The following EYS variants were observed in gnomAD, a reference collection of about 807,000 sequenced individuals.
EYS encodes the protein EGF-like photoreceptor maintenance factor.
In EYS, 250 loss-of-function variants were observed where a neutral mutation model predicts 282.1. The ratio of observed to expected loss-of-function variants is 0.89; its 90% confidence interval spans 0.80 to 0.98. The LOEUF is 0.98. Ranked by LOEUF, EYS falls within the 50% of genes least tolerant of loss-of-function variation. The probability of loss-of-function intolerance (pLI) is 0.00; values close to 1 mark genes in which losing one functional copy is unlikely to be tolerated. For missense variants in EYS, 4,016 were observed against 3,709.0 expected (o/e 1.08, Z -2.15); for synonymous variants, 1,355 against 1,282.9 (o/e 1.06, Z -1.20).
chr6:65,429,919 G>A (rs557676590), intron 5 of EYS, among the ~76,000 whole-genome samples: 14 of 152,154 alleles, frequency 9.2e-5, no homozygotes, highest in African/African-American at 2.6e-4. Flanking sequence ...AGTTTACTAC[G>A]CCAAGCAGTG....
chr6:65,376,970 CAG>C (rs1765391992), intron 8 of EYS, among the ~76,000 whole-genome samples: 1 of 152,094 alleles, frequency 6.6e-6, no homozygotes, highest in African/African-American at 2.4e-5. Flanking sequence ...ATCAATGAGA[CAG>C]AAAATTAACA....
chr6:64,351,182 T>C (rs920276813), intron 29 of EYS, among the ~76,000 whole-genome samples: 6 of 151,538 alleles, frequency 4.0e-5, no homozygotes, highest in Non-Finnish European at 7.4e-5. Context: ...TGAGTGAAGA[T>C]TGAGATACTG....
intron 5 of EYS, among the ~76,000 whole-genome samples, chr6:65,447,337 TATATATATAA>T (rs752997720): frequency 0.17 from 24,798 of 143,312 alleles, 2,755 homozygotes; most frequent in Middle Eastern, 0.28. Context: ...TGTGTGTATA[TATATATATAA>T]ATATATGTAT....
intron 26 of EYS, among the ~76,000 whole-genome samples, chr6:64,579,077 A>T (rs12661652): frequency 0.099 from 14,991 of 152,170 alleles, 921 homozygotes; most frequent in East Asian, 0.17. Flanking sequence ...TCTTCTCCTC[A>T]TTCGCAGAAT....
chr6:64,435,912 G>T (rs1359912156), intron 28 of EYS, among the ~76,000 whole-genome samples: 1 of 151,862 alleles, frequency 6.6e-6, no homozygotes, highest in African/African-American at 2.4e-5. Flanking sequence ...TGTTACAACA[G>T]CCATATGAGA....
intron 26 of EYS, among the ~76,000 whole-genome samples, chr6:64,458,363 G>A (rs370152072): frequency 6.6e-6 from 1 of 151,704 alleles, no homozygotes; most frequent in South Asian, 2.1e-4. Context: ...AAGTCTGGTG[G>A]TGATAAACTC....
At chr6:65,414,158 G>C (rs1444621553) in intron 5 of EYS, among the ~76,000 whole-genome samples, 1 of 152,120 alleles carries the variant, frequency 6.6e-6, no homozygotes, top group Non-Finnish European at 1.5e-5. Context: ...CAAAGACTTT[G>C]AGTTGAGAGC....
At chr6:64,354,181 G>T (rs1381611583) in intron 29 of EYS, among the ~76,000 whole-genome samples, 1 of 151,568 alleles carries the variant, frequency 6.6e-6, no homozygotes, top group Non-Finnish European at 1.5e-5. Context: ...TGATTTATTT[G>T]AGCAAACTTT....
chr6:63,935,138 G>C (rs947611841), intron 35 of EYS, among the ~76,000 whole-genome samples: 29 of 152,168 alleles, frequency 1.9e-4, no homozygotes, highest in Non-Finnish European at 8.8e-5. Context: ...CATGATTTTT[G>C]AGTAGTTTTT....
chr6:64,268,039 C>CAT (rs1767817235), intron 30 of EYS, among the ~76,000 whole-genome samples: 1 of 151,982 alleles, frequency 6.6e-6, no homozygotes, highest in Non-Finnish European at 1.5e-5. Context: ...GATACACTTG[C>CAT]ATATATATTC....
chr6:63,760,692 CTA>C (rs1769615471), intron 41 of EYS, among the ~76,000 whole-genome samples: 1 of 142,926 alleles, frequency 7.0e-6, no homozygotes, highest in South Asian at 2.3e-4. Flanking sequence ...ATCTATCTAT[CTA>C]TCTATCTAAT....
chr6:65,458,996 A>G (rs1764724966), intron 5 of EYS, among the ~76,000 whole-genome samples: 1 of 152,136 alleles, frequency 6.6e-6, no homozygotes, highest in South Asian at 2.1e-4. Context: ...AATTTAATTA[A>G]AAAGTATAGA....
rs192797181 is a variant in EYS at position 63,781,619 on chromosome 6, A to C, written c.7724-3439T>G. 1.1e-4 allele frequency among the ~76,000 whole-genome samples: 16 copies of C among 152,288 alleles called. No homozygotes were observed. The East Asian group carries it at 2.5e-3, about 24-fold the overall frequency. ...AATTTTGTATCCTGAGACTTTGCTG[A>C]AGTTGCTTATCAGCTTAAGGAGATT... On this transcript the variant is annotated intron_variant, in intron 39 of 42. Coordinates refer to ENST00000503581, the MANE Select transcript of EYS (RefSeq NM_001142800.2).
intron 13 of EYS, among the ~76,000 whole-genome samples, chr6:65,035,351 G>A (rs1772734496): frequency 6.6e-6 from 1 of 151,990 alleles, no homozygotes; most frequent in African/African-American, 2.4e-5. Context: ...CCTAGTCAGA[G>A]CAATCAGTCA....
intron 12 of EYS, among the ~76,000 whole-genome samples, chr6:65,249,436 C>T (rs1167032592): frequency 1.3e-5 from 2 of 151,906 alleles, no homozygotes; most frequent in Admixed American, 6.6e-5. Flanking sequence ...AACTCCCAGT[C>T]CAGTATTTCA....
At chr6:65,306,440 AG>A (rs1769005950) in intron 11 of EYS, among the ~76,000 whole-genome samples, 1 of 152,146 alleles carries the variant, frequency 6.6e-6, no homozygotes, top group Non-Finnish European at 1.5e-5. Context: ...TCTCCAAAGC[AG>A]GGGTAGAATG....
intron 7 of EYS, among the ~76,000 whole-genome samples, chr6:65,387,226 C>T (rs1422007510): frequency 6.6e-6 from 1 of 151,888 alleles, no homozygotes; most frequent in Admixed American, 6.6e-5. Context: ...ATGCACACTA[C>T]TGATTTTAAT....
intron 26 of EYS, among the ~76,000 whole-genome samples, chr6:64,503,576 T>G (rs1777120838): frequency 6.6e-6 from 1 of 152,202 alleles, no homozygotes; most frequent in South Asian, 2.1e-4. Flanking sequence ...ATCTACAGAT[T>G]CAGCTCCCTA....
At chr6:64,887,387 A>T (rs539428352) in intron 18 of EYS, among the ~76,000 whole-genome samples, 2 of 152,142 alleles carry the variant, frequency 1.3e-5, no homozygotes, top group East Asian at 3.9e-4. Context: ...ATATGTAACA[A>T]ATCTGCACGT....
Sources: gnomAD v4.1 joint callset for allele counts (sites outside exome capture counted in the v4.1 genomes callset) on GRCh38, gnomAD v4.1.1 for gene constraint, MANE v1.5 for transcripts, NCBI Gene and HGNC (gene_info 2026-07-23, HGNC 2026-07-21) for gene names.